The following AMPH variants were observed in gnomAD, a reference collection of about 807,000 sequenced individuals.
The protein encoded by AMPH is amphiphysin, also known as amphiphysin (Stiff-Mann syndrome with breast cancer 128kD autoantigen).
A neutral mutation model predicts 99.1 loss-of-function variants in AMPH; 49 were observed. The ratio of observed to expected loss-of-function variants is 0.49; its 90% CI spans 0.39 to 0.63. The LOEUF (loss-of-function observed/expected upper bound fraction) is 0.63. Ranked by LOEUF, AMPH falls within the 20% of genes least tolerant of loss-of-function variation. The pLI, the probability that AMPH is intolerant of heterozygous loss-of-function variation, is 0.00. For synonymous variants in AMPH, 314 were observed against 317.3 expected, an observed-to-expected ratio of 0.99 and a Z score of 0.11; for missense variants, 759 against 863.4, an observed-to-expected ratio of 0.88 and a Z score of 1.52.
chr7:38,508,606 A>C (rs942502438), intron 2 of AMPH, among the ~76,000 whole-genome samples: 1 of 152,220 alleles, frequency 6.6e-6, no homozygotes, highest in Non-Finnish European at 1.5e-5. Context: ...GGTGGATCTT[A>C]GGAGACATAA....
At position 38,591,857 on chromosome 7, in the gene AMPH, C is replaced by T. The variant is rs190953482; in HGVS notation, c.69+39426G>A. Among the ~76,000 whole-genome samples the T allele has an allele frequency of 1.3e-3, 194 of 152,306 alleles. 1 individual carries two copies. Among genetic ancestry groups the T allele is most frequent in the Middle Eastern group, 0.01 (3 of 294 alleles). On this transcript the variant is annotated intron_variant, in intron 1 of 20. Coordinates refer to ENST00000356264, the MANE Select transcript of AMPH (RefSeq NM_001635.4). ...ATTCACATTTCTCTGATGTCTTTCG[C>T]TGCACATATTGCTGAGACCAGCTTG...
intron 12 of AMPH, among the ~76,000 whole-genome samples, chr7:38,435,290 T>C (rs1459809603): frequency 3.3e-5 from 5 of 152,214 alleles, no homozygotes; most frequent in Non-Finnish European, 5.9e-5. Flanking sequence ...AAGCATGGAC[T>C]AGACATAATC....
At chr7:38,580,713 A>T (rs1378948524) in intron 1 of AMPH, among the ~76,000 whole-genome samples, 1 of 151,852 alleles carries the variant, frequency 6.6e-6, no homozygotes, top group Non-Finnish European at 1.5e-5. Flanking sequence ...CGATGACGAT[A>T]AGGGTCTGAG....
At chr7:38,475,477 T>A in intron 6 of AMPH, 61 bp from the exon 7 acceptor site, 1 of 1,077,736 alleles carries the variant, frequency 9.3e-7, no homozygotes, top group South Asian at 1.4e-5. Context: ...CACAACAGCA[T>A]CATTTAATGT....
chr7:38,429,517 C>T, intron 14 of AMPH: 2 of 1,376,654 alleles, frequency 1.5e-6, no homozygotes, highest in South Asian at 1.2e-5. Flanking sequence ...TCGGCCAACC[C>T]ACTGTCTGGA....
intron 3 of AMPH, among the ~76,000 whole-genome samples, chr7:38,500,175 C>A (rs1247950841): frequency 6.6e-6 from 1 of 152,268 alleles, no homozygotes; most frequent in East Asian, 1.9e-4. Context: ...GAGAAGGGTC[C>A]TGCAGTCAAA....
At chr7:38,492,145 G>A (rs530101905) in intron 4 of AMPH, among the ~76,000 whole-genome samples, 19 of 152,164 alleles carry the variant, frequency 1.2e-4, no homozygotes, top group African/African-American at 4.1e-4. Flanking sequence ...ATTTTAGCTC[G>A]GCCCTTGGCC....
At chr7:38,479,945 A>C (rs1788228394) in intron 5 of AMPH, among the ~76,000 whole-genome samples, 1 of 152,114 alleles carries the variant, frequency 6.6e-6, no homozygotes, top group African/African-American at 2.4e-5. Context: ...CAAGCCCTAG[A>C]TATCTACAGT....
chr7:38,453,298 G>A (rs951562479), intron 11 of AMPH, among the ~76,000 whole-genome samples: 2 of 152,226 alleles, frequency 1.3e-5, no homozygotes, highest in Non-Finnish European at 2.9e-5. Flanking sequence ...AAGAGGTATT[G>A]ATGGAGAGAC....
chr7:38,574,650 G>A (rs1385094918), intron 1 of AMPH, among the ~76,000 whole-genome samples: 3 of 152,116 alleles, frequency 2.0e-5, no homozygotes, highest in Non-Finnish European at 2.9e-5. Context: ...TAACAGGAGT[G>A]ATTATCAACA....
Position 38,467,041 on chromosome 7 carries a change from A to C in AMPH, c.591-793T>G, listed in dbSNP as rs565704934. On this transcript the variant is annotated intron_variant, in intron 7 of 20. Coordinates refer to ENST00000356264, the MANE Select transcript of AMPH (RefSeq NM_001635.4). Reference sequence around the variant, plus strand: ...TACTTATTCATAAATACATGTGCATATACCTATTCATATGCATACAAATAC... The same window carrying C: ...TACTTATTCATAAATACATGTGCATCTACCTATTCATATGCATACAAATAC... 1.4e-4 allele frequency among the ~76,000 whole-genome samples: 21 copies of C among 152,342 alleles called. No homozygotes were observed. In the East Asian group the frequency reaches 3.9e-3, roughly 28 times the overall value.
rs1157875604 is a variant in AMPH at position 38,501,803 on chromosome 7, A to G, written c.205+1847T>C. On this transcript the variant is annotated intron_variant, in intron 3 of 20. Coordinates refer to ENST00000356264, the MANE Select transcript of AMPH (RefSeq NM_001635.4). The stretch of plus-strand genomic sequence containing the variant: ...TAAATAAATAAATAAATAAATAAAT[A>G]AAAGATTTTACCAAATGCTCTCCAG... Among the ~76,000 whole-genome samples, 10 of 134,892 alleles carry G rather than the reference A, an allele frequency of 7.4e-5. 1 individual carries two copies. In the South Asian group the frequency reaches 2.1e-3, roughly 29 times the overall value. The allele number at this position is 134,892 out of a possible 152,430, so 88.5% of individuals were successfully genotyped here.
intron 1 of AMPH, among the ~76,000 whole-genome samples, chr7:38,581,246 G>A (rs79965002): frequency 0.017 from 2,569 of 152,274 alleles, 62 homozygotes; most frequent in African/African-American, 0.052. Context: ...AAGCAGGAAA[G>A]GGGGGAAAGA....
intron 2 of AMPH, among the ~76,000 whole-genome samples, chr7:38,511,181 T>C (rs544096000): frequency 6.6e-6 from 1 of 152,196 alleles, no homozygotes; most frequent in Non-Finnish European, 1.5e-5. Flanking sequence ...CAGGAAATGC[T>C]GGATAACACT....
At chr7:38,476,224 T>C (rs565093059) in intron 6 of AMPH, among the ~76,000 whole-genome samples, 3 of 152,304 alleles carry the variant, frequency 2.0e-5, no homozygotes, top group African/African-American at 7.2e-5. Context: ...TGAGGATCTT[T>C]TATGCTGTAC....
chr7:38,549,392 C>T (rs191430526), intron 1 of AMPH, among the ~76,000 whole-genome samples: 11 of 152,188 alleles, frequency 7.2e-5, no homozygotes, highest in Admixed American at 7.2e-4. Context: ...CTCAAAATCA[C>T]CTGAAAAGGA....
intron 1 of AMPH, among the ~76,000 whole-genome samples, chr7:38,539,574 A>T (rs758677513): frequency 1.1e-4 from 16 of 152,204 alleles, no homozygotes; most frequent in Non-Finnish European, 1.8e-4. Flanking sequence ...AAGGCAGGGA[A>T]GATTGCCTTT....
intron 5 of AMPH, among the ~76,000 whole-genome samples, chr7:38,478,953 G>A (rs1025665549): frequency 2.6e-5 from 4 of 152,000 alleles, no homozygotes; most frequent in African/African-American, 9.7e-5. Flanking sequence ...GAAGAAAACA[G>A]AGAATTGAGC....
chr7:38,568,861 G>GCGGGT (rs1791841017), intron 1 of AMPH, among the ~76,000 whole-genome samples: 1 of 152,156 alleles, frequency 6.6e-6, no homozygotes, highest in Non-Finnish European at 1.5e-5. Context: ...CCTGACACTG[G>GCGGGT]CGGGTCTATA....
Sources: gnomAD v4.1 joint callset for allele counts (sites outside exome capture counted in the v4.1 genomes callset) on GRCh38, gnomAD v4.1.1 for gene constraint, MANE v1.5 for transcripts, NCBI Gene and HGNC (gene_info 2026-07-23, HGNC 2026-07-21) for gene names.